The following FAM178B variants were observed in gnomAD, a reference collection of about 807,000 sequenced individuals.
FAM178B encodes the protein family with sequence similarity 178 member B, also known as protein FAM178B.
In FAM178B, 82 loss-of-function variants were observed where a neutral mutation model predicts 91.7. The observed-to-expected ratio is 0.89, with a 90% CI of 0.75 to 1.07. The LOEUF (loss-of-function observed/expected upper bound fraction) is 1.07, where lower values mean the gene tolerates loss of function less well. FAM178B is among the 50% of genes least tolerant of loss of function. The pLI, the probability that FAM178B is intolerant of heterozygous loss-of-function variation, is 0.00. For missense variants in FAM178B, 769 were observed against 846.7 expected (o/e 0.91, Z 1.14); for synonymous variants, 368 against 359.4 (o/e 1.02, Z -0.27).
chr2:96,900,411 G>A (rs7589232), intron 13 of FAM178B, among the ~76,000 whole-genome samples: 27,117 of 152,128 alleles, frequency 0.18, 3,003 homozygotes, highest in African/African-American at 0.31. Flanking sequence ...TTCCACAAGC[G>A]TGCACTGCCT....
At chr2:96,943,582 A>T (rs1465599398) in intron 8 of FAM178B, among the ~76,000 whole-genome samples, 1 of 152,208 alleles carries the variant, frequency 6.6e-6, no homozygotes. Context: ...TGAATCTTAC[A>T]TTTTAAAAGG....
rs138094342 is a variant in FAM178B, at chr2:96,923,373, C to G, written c.1287+117G>C. The stretch of plus-strand genomic sequence containing the variant: ...CATCCGGCCCACAGCCAGCACAGTG[C>G]CTGCCATGGTGCTGAGCTCGCCGGA... On this transcript the variant is annotated intron_variant, in intron 10 of 16. Coordinates refer to ENST00000490605, the MANE Select transcript of FAM178B (RefSeq NM_001122646.3). 7 of 768,176 alleles carry G rather than the reference C, an allele frequency of 9.1e-6. No individual in the cohort carries two copies. The Middle Eastern group carries it at 1.6e-3, about 176-fold the overall frequency. The allele number at this position is 768,176 out of a possible 1,614,324, so 47.6% of individuals were successfully genotyped here.
intron 12 of FAM178B, among the ~76,000 whole-genome samples, chr2:96,917,026 T>C (rs2081251942): frequency 6.6e-6 from 1 of 151,934 alleles, no homozygotes; most frequent in African/African-American, 2.4e-5. Flanking sequence ...GAAAAAAGAA[T>C]TAGGAGCCCT....
At chr2:96,954,826 G>A (rs1439592317) in intron 6 of FAM178B, among the ~76,000 whole-genome samples, 1 of 152,184 alleles carries the variant, frequency 6.6e-6, no homozygotes, top group Non-Finnish European at 1.5e-5. Flanking sequence ...CAGGCAGGAG[G>A]ATAGCTTGAG....
chr2:96,971,189 CT>C (rs1479393199), intron 3 of FAM178B, among the ~76,000 whole-genome samples: 4 of 151,396 alleles, frequency 2.6e-5, no homozygotes, highest in African/African-American at 9.7e-5. Context: ...TTCTCTCCCC[CT>C]CCCTATCTGC....
chr2:96,983,039 T>A (rs1559111050), intron 1 of FAM178B, among the ~76,000 whole-genome samples: 1 of 151,360 alleles, frequency 6.6e-6, no homozygotes, highest in Non-Finnish European at 1.5e-5. Flanking sequence ...CCACCATGCC[T>A]GGCTAATTTT....
chr2:96,928,436 C>T (rs2081483720), intron 9 of FAM178B, among the ~76,000 whole-genome samples: 1 of 152,190 alleles, frequency 6.6e-6, no homozygotes, highest in Admixed American at 6.5e-5. Context: ...AGGGACCAGG[C>T]ATAGGCAAAT....
chr2:96,957,899 G>A (rs947947142), intron 6 of FAM178B, among the ~76,000 whole-genome samples: 3 of 151,792 alleles, frequency 2.0e-5, no homozygotes, highest in Non-Finnish European at 2.9e-5. Flanking sequence ...AATATTCCCC[G>A]CCGTATTATT....
At chr2:96,915,088 T>C (rs1389482944) in intron 12 of FAM178B, among the ~76,000 whole-genome samples, 5 of 151,766 alleles carry the variant, frequency 3.3e-5, no homozygotes, top group African/African-American at 1.2e-4. Context: ...CGTTTGTATA[T>C]GTCTTGAAAT....
At chr2:96,918,009 A>G (rs1251497901) in intron 12 of FAM178B, among the ~76,000 whole-genome samples, 1 of 152,318 alleles carries the variant, frequency 6.6e-6, no homozygotes, top group East Asian at 1.9e-4. Context: ...GCCAGTCCTG[A>G]AAGAGAAGAA....
intron 8 of FAM178B, among the ~76,000 whole-genome samples, chr2:96,932,280 C>T (rs1335682770): frequency 6.6e-6 from 1 of 152,234 alleles, no homozygotes; most frequent in Non-Finnish European, 1.5e-5. Context: ...CTTCTCCCCT[C>T]TCCTACCCAG....
intron 9 of FAM178B, 109 bp downstream of exon 9, chr2:96,929,097 G>A (rs186296857): frequency 1.8e-4 from 136 of 772,314 alleles, no homozygotes; most frequent in African/African-American, 6.5e-4. Flanking sequence ...GGTGGAGGCC[G>A]CAGTGAGCTA....
chr2:96,901,553 T>A (rs561245019), intron 13 of FAM178B, among the ~76,000 whole-genome samples: 1 of 152,274 alleles, frequency 6.6e-6, no homozygotes, highest in East Asian at 1.9e-4. Flanking sequence ...GAGGGAGTAG[T>A]TTTAATTTAA....
At chr2:96,924,301 G>A (rs991072668) in intron 9 of FAM178B, among the ~76,000 whole-genome samples, 2 of 152,158 alleles carry the variant, frequency 1.3e-5, no homozygotes, top group African/African-American at 4.8e-5. Flanking sequence ...TAGCTGACAC[G>A]GGCTGGCTCA....
chr2:96,900,025 C>A (rs1216446261), intron 13 of FAM178B, among the ~76,000 whole-genome samples: 1 of 151,972 alleles, frequency 6.6e-6, no homozygotes, highest in African/African-American at 2.4e-5. Context: ...GAAGGCAGCC[C>A]CACCAAGCTC....
At chr2:96,915,021 G>A (rs77326444) in intron 12 of FAM178B, among the ~76,000 whole-genome samples, 3,435 of 152,210 alleles carry the variant, frequency 0.023, 130 homozygotes, top group African/African-American at 0.079. Flanking sequence ...AGTCTCCACG[G>A]CTGTGTTTGC....
chr2:96,919,261 A>G (rs1441017365), intron 12 of FAM178B, among the ~76,000 whole-genome samples: 8 of 152,180 alleles, frequency 5.3e-5, no homozygotes, highest in African/African-American at 1.4e-4. Flanking sequence ...GATGGAGCAA[A>G]TGAGAAACTG....
At chr2:96,929,812 G>A (rs1191468623) in intron 8 of FAM178B, among the ~76,000 whole-genome samples, 5 of 152,232 alleles carry the variant, frequency 3.3e-5, no homozygotes, top group Non-Finnish European at 7.3e-5. Flanking sequence ...ATCCCTGCTG[G>A]GAGCACACCT....
intron 8 of FAM178B, among the ~76,000 whole-genome samples, chr2:96,944,264 G>C (rs1033523501): frequency 7.9e-6 from 1 of 126,906 alleles, no homozygotes; most frequent in African/African-American, 3.1e-5. Flanking sequence ...AAAAAAAAAA[G>C]ACTGGAAGAG....
Sources: gnomAD v4.1 joint callset for allele counts (sites outside exome capture counted in the v4.1 genomes callset) on GRCh38, gnomAD v4.1.1 for gene constraint, MANE v1.5 for transcripts, NCBI Gene and HGNC (gene_info 2026-07-23, HGNC 2026-07-21) for gene names.